C4orf50: variants seen among roughly 807,000 people sequenced by gnomAD.
C4orf50 encodes uncharacterized protein C4orf50.
Under a neutral mutation model 77.2 loss-of-function variants are expected in C4orf50, and 80 were observed. The observed-to-expected ratio is 1.04, with a 90% CI of 0.87 to 1.25. The LOEUF is 1.25. C4orf50 is among the 50% of genes most tolerant of loss of function. The probability of loss-of-function intolerance (pLI) is 0.00; values close to 1 mark genes in which losing one functional copy is unlikely to be tolerated. For synonymous variants in C4orf50, 532 were observed against 465.3 expected, an observed-to-expected ratio of 1.14 and a Z score of -1.84; for missense variants, 1,257 against 1,152.9, an observed-to-expected ratio of 1.09 and a Z score of -1.31.
chr4:5,924,274 C>G (rs1487293338), intron 7 of C4orf50, among the ~76,000 whole-genome samples: 2 of 152,156 alleles, frequency 1.3e-5, no homozygotes, highest in African/African-American at 4.8e-5. Context: ...TTAGAGAACC[C>G]TGACTAATAC....
Position 5,988,351 on chromosome 4 carries a change from G to C in C4orf50, c.3695C>G (p.Pro1232Arg), listed in dbSNP as rs767882676. 10 of 1,613,564 alleles carry C rather than the reference G, an allele frequency of 6.2e-6. No homozygotes were observed. The African/African-American group carries it at 6.7e-5, about 11-fold the overall frequency. The change falls in exon 28 of 34, where the codon CCC becomes CGC. Residue 1232 changes from proline (P) to arginine (R), a missense_variant. By Grantham distance (103) the Pro-to-Arg change is moderately radical (BLOSUM62 -2). Coordinates refer to ENST00000531445, the Ensembl canonical transcript of C4orf50. Reference sequence around the variant, plus strand: ...AGATATGCAGACCCAACCTACCATGGGGCCATTGCTCAGGGAGCTCAGAGC... The same window carrying C: ...AGATATGCAGACCCAACCTACCATGCGGCCATTGCTCAGGGAGCTCAGAGC...
chr4:5,928,590 G>A (rs534334583), intron 7 of C4orf50, among the ~76,000 whole-genome samples: 20 of 152,298 alleles, frequency 1.3e-4, no homozygotes, highest in African/African-American at 4.6e-4. Flanking sequence ...GACGAGCACC[G>A]GGATGAGCTG....
chr4:5,945,948 G>A (rs55763230), intron 7 of C4orf50, among the ~76,000 whole-genome samples: 52,360 of 152,006 alleles, frequency 0.34, 9,659 homozygotes, highest in Non-Finnish European at 0.41. Flanking sequence ...TTCCAGCTGG[G>A]CTCAGCCAAT....
At chr4:5,920,128 C>T (rs56304211) in intron 7 of C4orf50, among the ~76,000 whole-genome samples, 27,161 of 152,220 alleles carry the variant, frequency 0.18, 2,701 homozygotes, top group Admixed American at 0.23. Flanking sequence ...CTTGAGCATC[C>T]TCAGATGTGG....
In C4orf50 at chr4:5,945,363, G is replaced by C. The variant is rs1200971954; in HGVS notation, c.*2474+11538C>G. Among the ~76,000 whole-genome samples, 5 of 152,218 alleles carry C rather than the reference G, an allele frequency of 3.3e-5. No homozygotes were observed. The East Asian group carries it at 9.6e-4, about 29-fold the overall frequency. On this transcript the variant is annotated intron_variant, in intron 7 of 7. Transcript: ENST00000324058. Reference sequence around the variant, plus strand: ...CTGCTAGAACCCAGGCCCTGGCTGAGGCCACATCTCAGGGGACTCACTTCA... The same window carrying C: ...CTGCTAGAACCCAGGCCCTGGCTGACGCCACATCTCAGGGGACTCACTTCA...
intron 25 of C4orf50, among the ~76,000 whole-genome samples, chr4:6,003,854 A>ATGACGG (rs1721990035): frequency 9.0e-5 from 1 of 11,064 alleles, no homozygotes; most frequent in Admixed American, 1.3e-3. Context: ...GATGATGGTG[A>ATGACGG]TGATGGTGAT....
chr4:5,988,275 C>A (rs1720988279), intron 28 of C4orf50, 72 bp downstream of exon 6: 1 of 1,554,638 alleles, frequency 6.4e-7, no homozygotes, highest in African/African-American at 1.4e-5. Context: ...TGGTGAATTG[C>A]ATAAGTGAAT....
At chr4:6,001,746 A>G (rs1285622889) in intron 25 of C4orf50, among the ~76,000 whole-genome samples, 1 of 152,244 alleles carries the variant, frequency 6.6e-6, no homozygotes, top group Non-Finnish European at 1.5e-5. Flanking sequence ...GCAGCAGAAA[A>G]TAAAGAGGAC....
chr4:5,899,536 C>G (rs1160923579), intron 7 of C4orf50: 1 of 152,184 alleles, frequency 6.6e-6, no homozygotes, highest in Non-Finnish European at 1.5e-5. Flanking sequence ...GTTACAAAGC[C>G]AACTCATGGT....
At chr4:5,915,697 T>A (rs1338535997) in intron 7 of C4orf50, among the ~76,000 whole-genome samples, 1 of 152,218 alleles carries the variant, frequency 6.6e-6, no homozygotes, top group African/African-American at 2.4e-5. Flanking sequence ...CCAGCCCTGA[T>A]GCCATGCACT....
intron 23 of C4orf50, among the ~76,000 whole-genome samples, chr4:6,016,918 C>T (rs187260055): frequency 1.3e-5 from 2 of 152,316 alleles, no homozygotes; most frequent in Admixed American, 6.5e-5. Flanking sequence ...ATCCAAGGCA[C>T]GTGGCTGCTG....
In C4orf50 at chr4:5,992,064, G is replaced by A. The variant is rs1721322177; in HGVS notation, c.1221+739C>T. ...TGAGCAAGTTCCTTAACCTGCTGGA[G>A]CCTCAGCCACCTCACCTGTCAAATG... On this transcript the variant is annotated intron_variant, in intron 27 of 33. Transcript: ENST00000531445. This position sits in a 1 kb window ranked among gnomAD's most constrained non-coding sequence, Gnocchi z 5.0. Among the ~76,000 whole-genome samples, 1 of 152,180 alleles carries A rather than the reference G, an allele frequency of 6.6e-6. No homozygotes were observed. Among genetic ancestry groups the A allele is most frequent in the African/African-American group, 2.4e-5 (1 of 41,446 alleles).
chr4:5,971,183 T>G (rs1719886749), intron 31 of C4orf50, among the ~76,000 whole-genome samples: 1 of 152,248 alleles, frequency 6.6e-6, no homozygotes, highest in Non-Finnish European at 1.5e-5. Context: ...CCAGCCATCC[T>G]GGCAGTCCTC....
chr4:5,942,741 A>G (rs1718318122), intron 7 of C4orf50, among the ~76,000 whole-genome samples: 1 of 152,206 alleles, frequency 6.6e-6, no homozygotes, highest in African/African-American at 2.4e-5. Context: ...AGACTATTCC[A>G]GAATCCATTA....
intron 23 of C4orf50, among the ~76,000 whole-genome samples, chr4:6,014,887 C>A (rs75149938): frequency 0.018 from 2,772 of 152,274 alleles, 75 homozygotes; most frequent in African/African-American, 0.064. Flanking sequence ...CACATCCCCC[C>A]ACAGGCCCAG....
intron 31 of C4orf50, among the ~76,000 whole-genome samples, chr4:5,968,309 G>A (rs1231997533): frequency 2.0e-5 from 3 of 152,166 alleles, no homozygotes; most frequent in African/African-American, 4.8e-5. Flanking sequence ...CTCGCACAGC[G>A]CCTTCTCTGC....
chr4:5,973,185 C>T (rs978811787), intron 31 of C4orf50, among the ~76,000 whole-genome samples: 1 of 152,194 alleles, frequency 6.6e-6, no homozygotes, highest in South Asian at 2.1e-4. Flanking sequence ...CGCGGGGCCA[C>T]GTGCAATGGA....
rs1722343940 is a variant in C4orf50 at position 6,008,425 on chromosome 4, C to T, written c.534G>A (p.Glu178=). 5 of 396,108 alleles carry T rather than the reference C, an allele frequency of 1.3e-5. No homozygotes were observed. The highest frequency in any genetic ancestry group is 2.2e-5 in the Non-Finnish European group (5 of 224,450). The allele number at this position is 396,108 out of a possible 1,614,324, so 24.5% of individuals were successfully genotyped here. Residue 178 remains glutamate (E), a synonymous_variant, in exon 25 of 34, where the codon GAG becomes GAA. Coordinates refer to ENST00000531445, the Ensembl canonical transcript of C4orf50. This position sits in a 1 kb window ranked among gnomAD's most constrained non-coding sequence, Gnocchi z 6.0. ...GGCGCCGCTGGGTCCGCCGGCAGCG[C>T]TCCAGGGCCGCCGCCTGCTGCCCCA...
chr4:5,998,371 CT>C (rs112502542), intron 25 of C4orf50, among the ~76,000 whole-genome samples: 2 of 152,126 alleles, frequency 1.3e-5, no homozygotes, highest in African/African-American at 4.8e-5. Context: ...ATTGACACTG[CT>C]TTTTTTTTAA....
Sources: gnomAD v4.1 joint callset for allele counts (sites outside exome capture counted in the v4.1 genomes callset) on GRCh38, gnomAD v4.1.1 for gene constraint, Gnocchi (gnomAD v3.1) non-coding constraint, MANE v1.5 for transcripts, NCBI Gene and HGNC (gene_info 2026-07-23, HGNC 2026-07-21) for gene names.